STX12: variants seen among roughly 807,000 people sequenced by gnomAD.
STX12 encodes the protein syntaxin 12.
Under a neutral mutation model 42.2 loss-of-function variants are expected in STX12, and 17 were observed. The ratio of observed to expected loss-of-function variants is 0.40; its 90% CI spans 0.28 to 0.60. The LOEUF is 0.60. Ranked by LOEUF, STX12 falls within the 20% of genes least tolerant of loss-of-function variation. The probability of loss-of-function intolerance (pLI) is 0.39; values close to 1 mark genes in which losing one functional copy is unlikely to be tolerated. For synonymous variants in STX12, 108 were observed against 116.7 expected (o/e 0.93, Z 0.48); for missense variants, 297 against 330.9 (o/e 0.90, Z 0.79).
chr1:27,790,312 G>A (rs1362190063), intron 2 of STX12, among the ~76,000 whole-genome samples: 1 of 152,192 alleles, frequency 6.6e-6, no homozygotes, highest in East Asian at 1.9e-4. Flanking sequence ...TTACTGTGAA[G>A]AGCAAAACAA....
intron 7 of STX12, among the ~76,000 whole-genome samples, chr1:27,819,396 CTTTCTCTA>C (rs2088968001): frequency 6.6e-6 from 1 of 151,652 alleles, no homozygotes; most frequent in Non-Finnish European, 1.5e-5. Flanking sequence ...TTCTTTCTCT[CTTTCTCTA>C]TGTGTATCTA....
intron 1 of STX12, among the ~76,000 whole-genome samples, chr1:27,775,654 C>G (rs1242674110): frequency 6.6e-6 from 1 of 152,076 alleles, no homozygotes; most frequent in Admixed American, 6.6e-5. Flanking sequence ...AGTTCATAAC[C>G]AAAATATAAA....
intron 1 of STX12, among the ~76,000 whole-genome samples, chr1:27,786,546 A>G (rs2088700232): frequency 1.3e-5 from 2 of 151,712 alleles, no homozygotes; most frequent in Non-Finnish European, 2.9e-5. Context: ...TCTTTATACC[A>G]TTTTTCACTA....
At chr1:27,774,874 A>G (rs2088618706) in intron 1 of STX12, among the ~76,000 whole-genome samples, 1 of 152,098 alleles carries the variant, frequency 6.6e-6, no homozygotes, top group Admixed American at 6.6e-5. Flanking sequence ...GGGTCTCACT[A>G]TGTTGCCCAG....
chr1:27,817,784 T>G, intron 6 of STX12, 67 bp from the exon 7 acceptor site: 1 of 1,412,212 alleles, frequency 7.1e-7, no homozygotes, highest in Non-Finnish European at 1.0e-6. Context: ...AAACTTTAGG[T>G]ACGTGAGGGA....
Position 27,819,665 on chromosome 1 carries a change from A to G in STX12, c.665A>G (p.Asn222Ser). 7 of 1,613,898 alleles carry G rather than the reference A, an allele frequency of 4.3e-6. No individual in the cohort carries two copies. Among genetic ancestry groups the G allele is most frequent in the Non-Finnish European group, 5.9e-6 (7 of 1,179,810 alleles). Residue 222 changes from asparagine to serine, a missense_variant, in exon 8 of 9, where the codon AAT becomes AGT. Physicochemically the swap from Asn to Ser is conservative, Grantham distance 46. Coordinates refer to ENST00000373943, the MANE Select transcript of STX12 (RefSeq NM_177424.3). ...CCTTTTGCAGATAGCATAGAAGCCAATGTGGAAAGCTCAGAGGTGCACGTC... is the reference window on the plus strand; with the variant it reads ...CCTTTTGCAGATAGCATAGAAGCCAGTGTGGAAAGCTCAGAGGTGCACGTC... ...QGDLIDSIEA[N>S]VESSEVHVER...
At chr1:27,819,196 G>C (rs572305686) in intron 7 of STX12, among the ~76,000 whole-genome samples, 63 of 150,190 alleles carry the variant, frequency 4.2e-4, no homozygotes, top group African/African-American at 1.5e-3. Context: ...TTGAACCCAG[G>C]AGTTGGAGGC....
chr1:27,787,201 T>C (rs1381307743), intron 1 of STX12, among the ~76,000 whole-genome samples: 1 of 152,190 alleles, frequency 6.6e-6, no homozygotes, highest in Non-Finnish European at 1.5e-5. Context: ...TATACTTGAC[T>C]CGGGAAATGT....
chr1:27,777,283 T>A (rs2148595719), intron 1 of STX12, among the ~76,000 whole-genome samples: 1 of 151,638 alleles, frequency 6.6e-6, no homozygotes, highest in East Asian at 1.9e-4. Context: ...GTGAATGAAA[T>A]GAGCAAGAGC....
At chr1:27,776,756 C>T (rs1231205610) in intron 1 of STX12, among the ~76,000 whole-genome samples, 1 of 152,080 alleles carries the variant, frequency 6.6e-6, no homozygotes, top group African/African-American at 2.4e-5. Flanking sequence ...AATAACAGTG[C>T]TATAGCAGTT....
chr1:27,774,270 A>G (rs946247317), intron 1 of STX12, among the ~76,000 whole-genome samples: 1 of 152,170 alleles, frequency 6.6e-6, no homozygotes, highest in Non-Finnish European at 1.5e-5. Flanking sequence ...CCTCCCCATT[A>G]GGGTCTGAGT....
intron 1 of STX12, among the ~76,000 whole-genome samples, chr1:27,779,672 C>G (rs758716051): frequency 6.6e-6 from 1 of 151,918 alleles, no homozygotes; most frequent in Non-Finnish European, 1.5e-5. Flanking sequence ...TCACTCCCTG[C>G]GATCTTAACC....
At chr1:27,799,477 GT>G (rs200472226) in intron 3 of STX12, among the ~76,000 whole-genome samples, 20 of 130,678 alleles carry the variant, frequency 1.5e-4, no homozygotes, top group South Asian at 6.9e-4. Context: ...TCATTAGCTT[GT>G]TTTTTTTTTT....
chr1:27,779,860 C>T (rs2088655333), intron 1 of STX12, among the ~76,000 whole-genome samples: 1 of 151,220 alleles, frequency 6.6e-6, no homozygotes, highest in South Asian at 2.1e-4. Context: ...GGTGCGATCT[C>T]GGCTCACCAC....
chr1:27,787,280 C>T (rs2088705078), intron 1 of STX12, among the ~76,000 whole-genome samples: 1 of 152,144 alleles, frequency 6.6e-6, no homozygotes, highest in Admixed American at 6.6e-5. Context: ...CTACTAAGGA[C>T]TGAGTTGTTC....
At chr1:27,816,999 G>A (rs1166714335) in intron 6 of STX12, among the ~76,000 whole-genome samples, 3 of 145,538 alleles carry the variant, frequency 2.1e-5, no homozygotes, top group Non-Finnish European at 4.5e-5. Flanking sequence ...AGGGGAGGGA[G>A]GAAGGAAAGG....
At chr1:27,801,247 T>C (rs573903329) in intron 3 of STX12, among the ~76,000 whole-genome samples, 138 of 151,746 alleles carry the variant, frequency 9.1e-4, no homozygotes, top group African/African-American at 3.1e-3. Flanking sequence ...AAAAATACAA[T>C]AAAAAATTAG....
chr1:27,784,686 T>C (rs2088688772), intron 1 of STX12, among the ~76,000 whole-genome samples: 1 of 152,166 alleles, frequency 6.6e-6, no homozygotes, highest in Non-Finnish European at 1.5e-5. Flanking sequence ...TGTTGGTGAT[T>C]ATAGAGGGCA....
At position 27,801,748 on chromosome 1, in the gene STX12, T is replaced by C; in HGVS notation, c.359T>C (p.Val120Ala). 6.3e-7 allele frequency: 1 copy of C among 1,595,614 alleles called. No individual in the cohort carries two copies. Among genetic ancestry groups the C allele is most frequent in the South Asian group, 1.1e-5 (1 of 87,738 alleles). The stretch of plus-strand genomic sequence containing the variant: ...GCAGCCTTAAACAATTTCCAGGCTG[T>C]GCAGAGAAGGGTATCTGAAAAGGAA... Reference protein sequence around the residue: ...FSAALNNFQAVQRRVSEKEKE... With the variant: ...FSAALNNFQAAQRRVSEKEKE... The change falls in exon 4 of 9, where the codon GTG becomes GCG. Residue 120 changes from valine to alanine, a missense_variant. By Grantham distance (64) the Val-to-Ala change is moderately conservative. Transcript: ENST00000373943.
Sources: gnomAD v4.1 joint callset for allele counts (sites outside exome capture counted in the v4.1 genomes callset) on GRCh38, gnomAD v4.1.1 for gene constraint, MANE v1.5 for transcripts, NCBI Gene and HGNC (gene_info 2026-07-23, HGNC 2026-07-21) for gene names.